Variants in NBAS observed in about 807,000 individuals in gnomAD.
NBAS encodes NAG/BC035112 fusion.
NBAS carries 219 observed loss-of-function variants against 302.5 expected under a neutral mutation model. The observed-to-expected ratio is 0.72, with a 90% CI of 0.65 to 0.81. The LOEUF (loss-of-function observed/expected upper bound fraction) is 0.81. Among genes scored for constraint, NBAS ranks in the 30% least tolerant of loss-of-function variants. NBAS has a pLI of 0.00. For synonymous variants in NBAS, 1,118 were observed against 1,021.6 expected (o/e 1.09, Z -1.80); for missense variants, 2,932 against 2,841.6 (o/e 1.03, Z -0.72).
the NBAS span, among the ~76,000 whole-genome samples, chr2:15,099,045 G>T: frequency 6.6e-6 from 1 of 151,888 alleles, no homozygotes; most frequent in South Asian, 2.1e-4. Context: ...CATGGCTCAC[G>T]CCTGTAATCC....
the NBAS span, among the ~76,000 whole-genome samples, chr2:15,106,469 C>G: frequency 1.3e-5 from 2 of 151,706 alleles, no homozygotes; most frequent in Admixed American, 6.6e-5. Context: ...CTCTCTCTCT[C>G]TCTCTCTCTC....
intron 49 of NBAS, among the ~76,000 whole-genome samples, chr2:15,187,171 G>T (rs796432511): frequency 1.3e-5 from 2 of 152,102 alleles, no homozygotes; most frequent in South Asian, 4.2e-4. Context: ...GGTCCTCAGA[G>T]AAGTTATTTA....
the NBAS span, among the ~76,000 whole-genome samples, chr2:15,046,214 C>G: frequency 0.82 from 125,128 of 152,140 alleles, 51,799 homozygotes; most frequent in East Asian, 0.99. Context: ...CCTTTCATCT[C>G]TCTACATCCT....
intron 3 of NBAS, among the ~76,000 whole-genome samples, 198 bp downstream of exon 3, chr2:15,556,585 G>C (rs910336800): frequency 3.9e-5 from 6 of 152,166 alleles, no homozygotes; most frequent in African/African-American, 1.4e-4. Context: ...AGTAACTAAG[G>C]GAACAAAAAC....
At position 15,292,618 on chromosome 2, in the gene NBAS, T is replaced by A; in HGVS notation, c.4946A>T (p.Gln1649Leu). ...CACGTCCACACCCTTCCGAAGGCCC[T>A]GAAGGATCTGCGCCTGAGTGAAATC... is the stretch of plus-strand genomic sequence containing the variant. ...LLDFTQAQIL[Q>L]GLRKGVDVQR... The change falls in exon 41 of 52, where the codon CAG (glutamine) becomes CTG (leucine). Residue 1649 changes from glutamine (Q) to leucine (L), a missense_variant. Gln to Leu is a moderately radical substitution (Grantham distance 113). Transcript: ENST00000281513. The A allele has an allele frequency of 1.4e-5, 23 of 1,614,214 alleles. No individual in the cohort carries two copies. The highest frequency in any genetic ancestry group is 1.9e-5 in the Non-Finnish European group (22 of 1,180,044).
intron 9 of NBAS, among the ~76,000 whole-genome samples, chr2:15,520,088 A>T (rs1350830559): frequency 6.6e-6 from 1 of 152,134 alleles, no homozygotes; most frequent in Non-Finnish European, 1.5e-5. Context: ...TTTTAAATAC[A>T]ATTTAGAGTT....
At chr2:15,165,335 T>C (rs1663990505), downstream of NBAS, among the ~76,000 whole-genome samples, 1 of 152,168 alleles carries the variant, frequency 6.6e-6, no homozygotes, top group Non-Finnish European at 1.5e-5. Flanking sequence ...TGTTACCTAA[T>C]TTGGGAGAAA....
At chr2:15,069,570 T>C in the NBAS span, among the ~76,000 whole-genome samples, 1 of 144,162 alleles carries the variant, frequency 6.9e-6, no homozygotes, top group Non-Finnish European at 1.5e-5. Context: ...AAAAAAAAAA[T>C]GGACCTGTAA....
the NBAS span, among the ~76,000 whole-genome samples, chr2:14,953,903 G>A: frequency 6.6e-6 from 1 of 152,168 alleles, no homozygotes; most frequent in Non-Finnish European, 1.5e-5. Context: ...TCATGGAAAG[G>A]GATGTGGTGC....
At chr2:14,780,753 T>C in the NBAS span, among the ~76,000 whole-genome samples, 1 of 152,204 alleles carries the variant, frequency 6.6e-6, no homozygotes, top group African/African-American at 2.4e-5. Context: ...CAGTACATAA[T>C]TGGTACTAAA....
intron 44 of NBAS, among the ~76,000 whole-genome samples, chr2:15,254,914 G>C (rs1447426235): frequency 1.3e-5 from 2 of 152,178 alleles, no homozygotes; most frequent in East Asian, 3.8e-4. Context: ...GTGTGTGTGT[G>C]TGTGTGTGTG....
At chr2:14,880,791 C>A in the NBAS span, among the ~76,000 whole-genome samples, 1 of 151,680 alleles carries the variant, frequency 6.6e-6, no homozygotes, top group East Asian at 1.9e-4. Flanking sequence ...AAAATAAGAC[C>A]TAAATATTCA....
chr2:15,023,928 T>C, the NBAS span, among the ~76,000 whole-genome samples: 1 of 152,088 alleles, frequency 6.6e-6, no homozygotes, highest in Admixed American at 6.6e-5. Context: ...TTCAAATATA[T>C]CCTCACTTTA....
chr2:15,476,893 T>C (rs1549017), intron 13 of NBAS, among the ~76,000 whole-genome samples: 92,248 of 152,022 alleles, frequency 0.61, 28,941 homozygotes, highest in Non-Finnish European at 0.68. Context: ...ATTTAAACAT[T>C]AGACTAAGAA....
intron 30 of NBAS, among the ~76,000 whole-genome samples, chr2:15,378,876 T>TATA (rs1360204411): frequency 2.0e-5 from 3 of 152,242 alleles, no homozygotes; most frequent in African/African-American, 7.2e-5. Context: ...TTTAAGCTTT[T>TATA]AAGATTCATT....
the NBAS span, among the ~76,000 whole-genome samples, chr2:14,874,571 T>C: frequency 2.8e-5 from 4 of 144,718 alleles, no homozygotes; most frequent in Non-Finnish European, 3.0e-5. Context: ...ATCCGGGAGG[T>C]GGAGCTTGCA....
chr2:15,451,805 G>C (rs1156335105), intron 21 of NBAS, among the ~76,000 whole-genome samples: 1 of 152,138 alleles, frequency 6.6e-6, no homozygotes, highest in Non-Finnish European at 1.5e-5. Flanking sequence ...AAAAGATGAA[G>C]AAGAGGTTCT....
intron 21 of NBAS, among the ~76,000 whole-genome samples, chr2:15,437,723 C>G (rs2148504839): frequency 6.6e-6 from 1 of 152,302 alleles, no homozygotes; most frequent in East Asian, 1.9e-4. Context: ...ACATAACATT[C>G]ATTCATTCCA....
intron 49 of NBAS, among the ~76,000 whole-genome samples, chr2:15,189,418 A>G (rs908816287): frequency 6.6e-6 from 1 of 152,128 alleles, no homozygotes; most frequent in Non-Finnish European, 1.5e-5. Flanking sequence ...TTAACCTCAG[A>G]CACGTGGAGA....
Sources: allele counts gnomAD v4.1 joint callset (sites outside exome capture counted in the v4.1 genomes callset), GRCh38; gene constraint gnomAD v4.1.1; transcripts MANE v1.5; gene names NCBI Gene and HGNC (gene_info 2026-07-23, HGNC 2026-07-21).